The following DBR1 variants were observed in gnomAD, a reference collection of about 807,000 sequenced individuals.
DBR1 encodes lariat debranching enzyme.
In DBR1, 33 loss-of-function variants were observed where a neutral mutation model predicts 45.9. The observed-to-expected ratio is 0.72, with a 90% confidence interval of 0.55 to 0.96. The LOEUF (loss-of-function observed/expected upper bound fraction) is 0.96, where lower values mean the gene tolerates loss of function less well. Among genes scored for constraint, DBR1 ranks in the 40% least tolerant of loss-of-function variants. DBR1 has a pLI of 0.00. For synonymous variants in DBR1, 235 were observed against 235.9 expected (o/e 1.00, Z 0.04); for missense variants, 619 against 667.4 (o/e 0.93, Z 0.80).
intron 3 of DBR1, 158 bp downstream of exon 3, chr3:138,171,475 C>CAAAA (rs906867666): frequency 1.0e-4 from 7 of 69,560 alleles, no homozygotes; most frequent in Admixed American, 3.7e-4. Context: ...AACTCTGTCT[C>CAAAA]AAAAAAAAAA....
At position 138,174,732 on chromosome 3, in the gene DBR1, G is replaced by A. The variant is rs746597256; in HGVS notation, c.64C>T (p.Leu22=). 2 of 1,612,652 alleles carry A rather than the reference G, an allele frequency of 1.2e-6. No individual in the cohort carries two copies. The highest frequency in any genetic ancestry group is 1.7e-6 in the Non-Finnish European group (2 of 1,179,730). Residue 22 remains leucine, a synonymous_variant, in exon 1 of 8, where the codon CTG becomes TTG. Coordinates refer to ENST00000260803, the MANE Select transcript of DBR1 (RefSeq NM_016216.4). The part of the protein sequence containing the change: ...ELDKIYETLA[L]AERRGPGPVD... ...GGCCCCGGGCCGCGCCGCTCTGCCA[G>A]CGCCAGCGTCTCATAGATCTTATCC...
chr3:138,167,603 GCTT>G (rs2042936447), intron 4 of DBR1, among the ~76,000 whole-genome samples: 1 of 152,198 alleles, frequency 6.6e-6, no homozygotes, highest in Non-Finnish European at 1.5e-5. Flanking sequence ...TTAGCACTTA[GCTT>G]CTAAAATACA....
intron 5 of DBR1, among the ~76,000 whole-genome samples, chr3:138,165,728 CA>C (rs529129770): frequency 7.6e-5 from 10 of 130,758 alleles, no homozygotes; most frequent in Non-Finnish European, 8.2e-5. Flanking sequence ...GACTCTGTCT[CA>C]AAAAAAAAAG....
Position 138,162,122 on chromosome 3 carries a change from C to T in DBR1, c.1402G>A (p.Val468Ile). Residue 468 changes from valine (V) to isoleucine (I), a missense_variant, in exon 8 of 8, where the codon GTC becomes ATC. Val to Ile is a conservative substitution (Grantham distance 29, BLOSUM62 3). Coordinates refer to ENST00000260803, the MANE Select transcript of DBR1 (RefSeq NM_016216.4). Reference protein sequence around the residue: ...ASEFSASFSDVRILPGSMIVS... With the variant: ...ASEFSASFSDIRILPGSMIVS... ...ATCATAGAGCCTGGCAAGATCCTGA[C>T]ATCAGAGAAACTTGCAGAAAACTCA... 1 of 1,614,200 alleles carries T rather than the reference C, an allele frequency of 6.2e-7. No homozygotes were observed. The highest frequency in any genetic ancestry group is 8.5e-7 in the Non-Finnish European group (1 of 1,180,052).
At position 138,162,323 on chromosome 3, in the gene DBR1, C is replaced by T; in HGVS notation, c.1201G>A (p.Asp401Asn). The change falls in exon 8 of 8, where the codon GAT becomes AAT. Residue 401 changes from aspartate (D) to asparagine (N), a missense_variant. Around this residue, in one of 3 missense-constraint regions of DBR1, gnomAD observed 182 missense variants for 196.1 expected, o/e 0.93. Coordinates refer to ENST00000260803, the MANE Select transcript of DBR1 (RefSeq NM_016216.4). ...HVCGEYEEQD[D>N]VESNDSGEDQ... ...TCTCCAGAGTCATTACTCTCCACAT[C>T]ATCCTGTTCTTCATATTCACCACAC... The T allele has an allele frequency of 6.2e-7, 1 of 1,614,214 alleles. No homozygotes were observed. Among genetic ancestry groups the T allele is most frequent in the Non-Finnish European group, 8.5e-7 (1 of 1,180,040 alleles).
intron 1 of DBR1, 76 bp from the exon 2 acceptor site, chr3:138,173,702 A>G: frequency 2.1e-6 from 3 of 1,427,854 alleles, no homozygotes; most frequent in Non-Finnish European, 2.8e-6. Context: ...AAAAAAAAAG[A>G]AACTGAGTTC....
chr3:138,170,845 T>C (rs1462094532), intron 3 of DBR1, among the ~76,000 whole-genome samples: 1 of 152,238 alleles, frequency 6.6e-6, no homozygotes, highest in Non-Finnish European at 1.5e-5. Flanking sequence ...GTGATATACT[T>C]ATATAATGGA....
intron 3 of DBR1, among the ~76,000 whole-genome samples, chr3:138,170,684 G>A (rs2042949922): frequency 6.6e-6 from 1 of 152,104 alleles, no homozygotes; most frequent in Non-Finnish European, 1.5e-5. Context: ...AAGTGGCAGG[G>A]AACAGACTTG....
At chr3:138,165,113 T>C (rs867477976) in intron 5 of DBR1, among the ~76,000 whole-genome samples, 24 of 152,142 alleles carry the variant, frequency 1.6e-4, no homozygotes, top group Non-Finnish European at 8.8e-5. Flanking sequence ...CTCCAGAGCA[T>C]GGCCTCTAAA....
intron 5 of DBR1, among the ~76,000 whole-genome samples, chr3:138,164,772 G>T (rs1370971657): frequency 6.6e-6 from 1 of 152,126 alleles, no homozygotes; most frequent in Non-Finnish European, 1.5e-5. Flanking sequence ...TCAGCCTCCC[G>T]AATAGCTGGG....
At chr3:138,163,680 AT>A (rs1359086497) in intron 6 of DBR1, 97 bp downstream of exon 6, 4 of 915,282 alleles carry the variant, frequency 4.4e-6, no homozygotes, top group East Asian at 6.1e-5. Flanking sequence ...GAATACATAA[AT>A]TACAAACAGA....
At chr3:138,165,317 A>G (rs2042925184) in intron 5 of DBR1, among the ~76,000 whole-genome samples, 1 of 152,204 alleles carries the variant, frequency 6.6e-6, no homozygotes, top group Non-Finnish European at 1.5e-5. Flanking sequence ...TATTTACAGA[A>G]TACATACTGG....
At position 138,163,763 on chromosome 3, in the gene DBR1, CT is replaced by C; in HGVS notation, c.795+14del. 1.9e-6 allele frequency: 3 copies of C among 1,592,158 alleles called. No homozygotes were observed. The highest frequency in any genetic ancestry group is 2.6e-6 in the Non-Finnish European group (3 of 1,163,946). On this transcript the variant is annotated intron_variant, in intron 6 of 7. Transcript: ENST00000260803. ...AGAGTACAACTATATTATAAAGCCA[CT>C]TCACTCTTCTTACCTGAAGAAAATC...
intron 5 of DBR1, among the ~76,000 whole-genome samples, chr3:138,165,638 A>G (rs1576533198): frequency 6.6e-6 from 1 of 152,086 alleles, no homozygotes; most frequent in African/African-American, 2.4e-5. Context: ...CTGAGGCAGG[A>G]GAATGGTGTG....
intron 5 of DBR1, 54 bp downstream of exon 5, chr3:138,167,027 C>A (rs771557797): frequency 6.0e-6 from 9 of 1,492,736 alleles, no homozygotes; most frequent in Non-Finnish European, 7.5e-6. Context: ...GTGTCTGGTC[C>A]ATAGATGTTC....
In DBR1 at chr3:138,163,788, T is replaced by A. The variant is rs768020164; in HGVS notation, c.785A>T (p.Asp262Val). The A allele has an allele frequency of 6.2e-7, 1 of 1,610,800 alleles. No individual in the cohort carries two copies. The highest frequency in any genetic ancestry group is 1.1e-5 in the South Asian group (1 of 90,780). The change falls in exon 6 of 8, where the codon GAT becomes GTT. Residue 262 changes from aspartate to valine, a missense_variant. This residue lies in a region of DBR1 where 430 missense variants were observed against 447.7 expected (regional missense o/e 0.96). Transcript: ENST00000260803. ...LALDKCLPHR[D>V]FLQILEIEHD... ...CTTCACTCTTCTTACCTGAAGAAAA[T>A]CTCTATGTGGTAAGCATTTGTCCAA...
At chr3:138,170,337 A>G (rs1239816715) in intron 3 of DBR1, 145 bp from the exon 4 acceptor site, 15 of 561,490 alleles carry the variant, frequency 2.7e-5, no homozygotes, top group Middle Eastern at 4.4e-4. Context: ...TTTTAAAAAG[A>G]TGGTGGACTG....
chr3:138,169,656 G>A (rs889444564), intron 4 of DBR1, among the ~76,000 whole-genome samples: 1 of 152,138 alleles, frequency 6.6e-6, no homozygotes, highest in Non-Finnish European at 1.5e-5. Context: ...ATTTTGCCGG[G>A]CACAGTGGCT....
intron 2 of DBR1, among the ~76,000 whole-genome samples, chr3:138,172,428 T>TA (rs1402443317): frequency 3.3e-5 from 5 of 151,694 alleles, no homozygotes; most frequent in African/African-American, 1.2e-4. Context: ...CACAAAAAAA[T>TA]ACAAAAAAAC....
Sources: gnomAD v4.1 joint callset for allele counts (sites outside exome capture counted in the v4.1 genomes callset) on GRCh38, gnomAD v4.1.1 for gene constraint, gnomAD v4.1.1 regional missense constraint, MANE v1.5 for transcripts, NCBI Gene and HGNC (gene_info 2026-07-23, HGNC 2026-07-21) for gene names.